The following BRMS1L variants were observed in gnomAD, a reference collection of about 807,000 sequenced individuals.
The protein encoded by BRMS1L is BRMS1 like transcriptional repressor.
Under a neutral mutation model 50.3 loss-of-function variants are expected in BRMS1L, and 23 were observed. The ratio of observed to expected loss-of-function variants is 0.46; its 90% CI spans 0.33 to 0.65. The LOEUF (loss-of-function observed/expected upper bound fraction) is 0.65. BRMS1L is among the 30% of genes least tolerant of loss of function. BRMS1L has a pLI of 0.02. For synonymous variants in BRMS1L, 114 were observed against 126.9 expected, an observed-to-expected ratio of 0.90 and a Z score of 0.69; for missense variants, 286 against 386.1, an observed-to-expected ratio of 0.74 and a Z score of 2.17.
At chr14:35,846,478 C>A (rs535440918) in intron 4 of BRMS1L, among the ~76,000 whole-genome samples, 1 of 151,496 alleles carries the variant, frequency 6.6e-6, no homozygotes, top group South Asian at 2.1e-4. Context: ...TAGTCTCCTT[C>A]AGTGTGAAAC....
chr14:35,832,069 C>T (rs2077926659), intron 2 of BRMS1L, among the ~76,000 whole-genome samples: 1 of 152,084 alleles, frequency 6.6e-6, no homozygotes, highest in African/African-American at 2.4e-5. Flanking sequence ...ACCTCCTGCC[C>T]CATTTTTGAG....
At chr14:35,833,457 T>C (rs1427443938) in intron 3 of BRMS1L, among the ~76,000 whole-genome samples, 1 of 152,142 alleles carries the variant, frequency 6.6e-6, no homozygotes, top group Non-Finnish European at 1.5e-5. Flanking sequence ...GTTCTAGGCA[T>C]TTTTTTAATA....
At chr14:35,855,710 A>G (rs1334667941) in intron 4 of BRMS1L, among the ~76,000 whole-genome samples, 2 of 152,156 alleles carry the variant, frequency 1.3e-5, no homozygotes, top group Non-Finnish European at 2.9e-5. Flanking sequence ...CATCTATTAT[A>G]TAATTAATCT....
chr14:35,865,854 G>T, intron 8 of BRMS1L, 93 bp downstream of exon 8: 7 of 1,119,230 alleles, frequency 6.3e-6, no homozygotes, highest in East Asian at 4.9e-5. Context: ...TTGAATCAGT[G>T]GTTTTATTTC....
intron 4 of BRMS1L, among the ~76,000 whole-genome samples, chr14:35,841,234 G>A (rs1158146862): frequency 1.3e-5 from 2 of 151,786 alleles, no homozygotes; most frequent in African/African-American, 4.8e-5. Flanking sequence ...ATTTCTGTTT[G>A]GCATTTGCTG....
At chr14:35,844,882 A>AT (rs980444972) in intron 4 of BRMS1L, among the ~76,000 whole-genome samples, 5 of 151,914 alleles carry the variant, frequency 3.3e-5, no homozygotes, top group African/African-American at 1.2e-4. Flanking sequence ...TAATTAATTA[A>AT]TTTTTTTTAA....
chr14:35,829,784 CTT>C, intron 1 of BRMS1L: 1 of 1,173,194 alleles, frequency 8.5e-7, no homozygotes, highest in African/African-American at 1.6e-5. Context: ...TGATTTAACT[CTT>C]TCTCATAGTT....
intron 1 of BRMS1L, among the ~76,000 whole-genome samples, chr14:35,826,960 A>G (rs1259964085): frequency 6.6e-6 from 1 of 152,122 alleles, no homozygotes; most frequent in Non-Finnish European, 1.5e-5. Flanking sequence ...CGCAGCAGAC[A>G]AACTGGAAAT....
At position 35,829,774 on chromosome 14, in the gene BRMS1L, T is replaced by C. The variant is rs553160358; in HGVS notation, c.143-1636T>C. The C allele has an allele frequency of 1.4e-3, 1,486 of 1,079,788 alleles. 4 individuals carry two copies. The highest frequency in any genetic ancestry group is 1.7e-3 in the Non-Finnish European group (1,403 of 814,670). The allele number at this position is 1,079,788 out of a possible 1,614,324, so 66.9% of individuals were successfully genotyped here. The stretch of plus-strand genomic sequence containing the variant: ...CATGTTATATAAAAATAATTGAACA[T>C]GATTTAACTCTTTCTCATAGTTTGA... On this transcript the variant is annotated intron_variant, in intron 1 of 9. Coordinates refer to ENST00000216807, the MANE Select transcript of BRMS1L (RefSeq NM_032352.4).
At chr14:35,826,908 C>A (rs1027210686) in intron 1 of BRMS1L, 33 of 513,576 alleles carry the variant, frequency 6.4e-5, no homozygotes, top group Non-Finnish European at 9.0e-5. Context: ...GGTCCTGCCC[C>A]CGGTGGTGCT....
chr14:35,832,527 A>T (rs765258294), intron 2 of BRMS1L, among the ~76,000 whole-genome samples: 1 of 151,606 alleles, frequency 6.6e-6, no homozygotes, highest in Non-Finnish European at 1.5e-5. Context: ...AAAATTAAGT[A>T]GGCTGAATAC....
intron 4 of BRMS1L, among the ~76,000 whole-genome samples, chr14:35,835,515 T>G (rs1294710489): frequency 3.3e-5 from 5 of 152,190 alleles, no homozygotes; most frequent in East Asian, 1.9e-4. Context: ...AATGGAACAC[T>G]AGGCATAAAT....
intron 8 of BRMS1L, among the ~76,000 whole-genome samples, chr14:35,867,439 A>C (rs2142065620): frequency 6.6e-6 from 1 of 152,324 alleles, no homozygotes; most frequent in Admixed American, 6.5e-5. Flanking sequence ...TCTGGAATTT[A>C]AAAATAGAAG....
At chr14:35,868,800 A>G (rs1259538179) in intron 9 of BRMS1L, among the ~76,000 whole-genome samples, 2 of 151,750 alleles carry the variant, frequency 1.3e-5, no homozygotes, top group Non-Finnish European at 2.9e-5. Flanking sequence ...AACAACAAAC[A>G]ACAACAACAA....
intron 4 of BRMS1L, among the ~76,000 whole-genome samples, chr14:35,854,981 C>T (rs2078261576): frequency 6.6e-6 from 1 of 152,252 alleles, no homozygotes; most frequent in African/African-American, 2.4e-5. Flanking sequence ...TTCCCCCCCT[C>T]TTACTGCCTA....
chr14:35,847,754 G>A (rs2078156425), intron 4 of BRMS1L, among the ~76,000 whole-genome samples: 1 of 152,134 alleles, frequency 6.6e-6, no homozygotes, highest in Non-Finnish European at 1.5e-5. Context: ...AACCACCATT[G>A]TATTCTCTGC....
chr14:35,833,448 T>C (rs1398173145), intron 3 of BRMS1L, among the ~76,000 whole-genome samples: 4 of 152,154 alleles, frequency 2.6e-5, no homozygotes, highest in African/African-American at 9.7e-5. Context: ...AGTTTAAGTG[T>C]TCTAGGCATT....
chr14:35,862,889 T>C (rs535571078), intron 5 of BRMS1L, among the ~76,000 whole-genome samples: 1 of 152,174 alleles, frequency 6.6e-6, no homozygotes, highest in Non-Finnish European at 1.5e-5. Flanking sequence ...ATGTAAAAAA[T>C]GGAGCACACG....
chr14:35,861,106 A>T (rs988628152), intron 4 of BRMS1L, among the ~76,000 whole-genome samples: 1 of 152,206 alleles, frequency 6.6e-6, no homozygotes, highest in Non-Finnish European at 1.5e-5. Flanking sequence ...ACTTTCCAAG[A>T]AAAAGAAAGA....
Sources: allele counts gnomAD v4.1 joint callset (sites outside exome capture counted in the v4.1 genomes callset), GRCh38; gene constraint gnomAD v4.1.1; transcripts MANE v1.5; gene names NCBI Gene and HGNC (gene_info 2026-07-23, HGNC 2026-07-21).